Variants in ADAMTS4 observed in about 807,000 individuals in gnomAD.
ADAMTS4 encodes A disintegrin and metalloproteinase with thrombospondin motifs 4.
Under a neutral mutation model 66.7 loss-of-function variants are expected in ADAMTS4, and 38 were observed. The ratio of observed to expected loss-of-function variants is 0.57; its 90% confidence interval spans 0.44 to 0.75. The LOEUF is 0.75. Among genes scored for constraint, ADAMTS4 ranks in the 30% least tolerant of loss-of-function variants. The pLI is 0.00. For synonymous variants in ADAMTS4, 418 were observed against 461.5 expected (o/e 0.91, Z 1.21); for missense variants, 1,014 against 1,116.7 (o/e 0.91, Z 1.31).
At chr1:161,195,934 GACAC>G (rs57224018) in intron 3 of ADAMTS4, 64,619 of 437,052 alleles carry the variant, frequency 0.15, 3,131 homozygotes, top group East Asian at 0.28. Context: ...CACACACACA[GACAC>G]ACACACACAC....
At chr1:161,196,412 G>A (rs1664839893) in intron 2 of ADAMTS4, 109 bp from the exon 3 acceptor site, 3 of 1,514,956 alleles carry the variant, frequency 2.0e-6, no homozygotes, top group South Asian at 2.6e-5. Context: ...GCACTGTCAG[G>A]GCCTAGGTAG....
At position 161,198,167 on chromosome 1, in the gene ADAMTS4, T is replaced by G; in HGVS notation, c.461A>C (p.Gln154Pro). The G allele has an allele frequency of 6.2e-7, 1 of 1,613,938 alleles. No homozygotes were observed. The highest frequency in any genetic ancestry group is 8.5e-7 in the Non-Finnish European group (1 of 1,179,956). ...GAGGTGGAGTTCAGCCCCCCGATAT[T>G]GTAACACGCCTAACAGGGCTCCCCC... The part of the protein sequence containing the change: ...WDGGALLGVL[Q>P]YRGAELHLQP... The change falls in exon 1 of 9, where the codon CAA becomes CCA. Residue 154 changes from glutamine (Q) to proline (P), a missense_variant. Physicochemically the swap from Gln to Pro is moderately conservative, Grantham distance 76. Transcript: ENST00000367996. This position sits in a 1 kb window ranked among gnomAD's most constrained non-coding sequence, Gnocchi z 4.7.
chr1:161,193,300 A>G lies in ADAMTS4; in HGVS notation c.1824T>C (p.Pro608=). The change falls in exon 7 of 9, where the codon CCT becomes CCC. Residue 608 remains proline, a synonymous_variant. Coordinates refer to ENST00000367996, the MANE Select transcript of ADAMTS4 (RefSeq NM_005099.6). This position sits in a 1 kb window ranked among gnomAD's most constrained non-coding sequence, Gnocchi z 4.4. ...KSFPGPMDWV[P]RYTGVAPQDQ... Reference sequence around the variant, plus strand: ...CCTGGGGGGCCACGCCTGTGTAGCGAGGAACCCAGTCCATGGGCCCTGGGA... The same window carrying G: ...CCTGGGGGGCCACGCCTGTGTAGCGGGGAACCCAGTCCATGGGCCCTGGGA... 6.2e-7 allele frequency: 1 copy of G among 1,614,030 alleles called. No individual in the cohort carries two copies. The highest frequency in any genetic ancestry group is 8.5e-7 in the Non-Finnish European group (1 of 1,180,004).
At position 161,193,465 on chromosome 1, in the gene ADAMTS4, C is replaced by G. The variant is rs1664731262; in HGVS notation, c.1736-77G>C. ...CATCCCTCCACCCAACCCCTGAGAA[C>G]TCTAGACAGCACAGCTCTGCTCTTC... On this transcript the variant is annotated intron_variant, in intron 6 of 8. Transcript: ENST00000367996. This position sits in a 1 kb window ranked among gnomAD's most constrained non-coding sequence, Gnocchi z 4.4. The G allele has an allele frequency of 6.4e-7, 1 of 1,559,144 alleles. No homozygotes were observed.
Position 161,193,773 on chromosome 1 carries a change from C to G in ADAMTS4, c.1602G>C (p.Arg534=), listed in dbSNP as rs760634058. ...GPWGPWGDCS[R]TCGGGVQFSS... is the part of the protein sequence containing the mutation. ...AGAACTGGACACCACCCCCACAGGT[C>G]CGAGAGCAGTCACCCCATGGTCCCC... The change falls in exon 6 of 9, where the codon CGG becomes CGC. Residue 534 remains arginine (R), a synonymous_variant. Transcript: ENST00000367996. This position sits in a 1 kb window ranked among gnomAD's most constrained non-coding sequence, Gnocchi z 4.4. The G allele has an allele frequency of 1.9e-6, 3 of 1,613,764 alleles. No individual in the cohort carries two copies. In the Admixed American group the frequency reaches 5.0e-5, roughly 27 times the overall value.
Position 161,196,208 on chromosome 1 carries a change from A to G in ADAMTS4, c.1053T>C (p.Asp351=). The change falls in exon 3 of 9, where the codon GAT becomes GAC. Residue 351 remains aspartate, a synonymous_variant. Coordinates refer to ENST00000367996, the MANE Select transcript of ADAMTS4 (RefSeq NM_005099.6). ...PARSCAIVED[D]GLQSAFTAAH... is the part of the protein sequence containing the mutation. Reference sequence around the variant, plus strand: ...CAGCAGTGAAGGCTGACTGGAGCCCATCATCCTCCACAATGGCACAGCTCC... The same window carrying G: ...CAGCAGTGAAGGCTGACTGGAGCCCGTCATCCTCCACAATGGCACAGCTCC... 1 of 1,611,628 alleles carries G rather than the reference A, an allele frequency of 6.2e-7. No homozygotes were observed. Among genetic ancestry groups the G allele is most frequent in the Non-Finnish European group, 8.5e-7 (1 of 1,179,204 alleles).
rs1664736389 is a variant in ADAMTS4, at chr1:161,193,677, G to A, written c.1698C>T (p.Phe566=). 6.2e-7 allele frequency: 1 copy of A among 1,613,708 alleles called. No individual in the cohort carries two copies. Among genetic ancestry groups the A allele is most frequent in the Non-Finnish European group, 8.5e-7 (1 of 1,179,840 alleles). The change falls in exon 6 of 9, where the codon TTC becomes TTT. Residue 566 remains phenylalanine, a synonymous_variant. Coordinates refer to ENST00000367996, the MANE Select transcript of ADAMTS4 (RefSeq NM_005099.6). The surrounding 1 kb of genome is among the most constrained non-coding windows in gnomAD (Gnocchi z 4.4). ...GGCAGTCCTCAGTGTTGCAGGAGCG[G>A]AAGCGGGTACGGCGGCCCTCACAGT... ...GKYCEGRRTR[F]RSCNTEDCPT...
chr1:161,186,701 C>T lies in ADAMTS4; in HGVS notation c.*4437G>A, dbSNP rs1664548968. 6.6e-6 allele frequency: 1 copy of T among 152,146 alleles called. No individual in the cohort carries two copies. Among genetic ancestry groups the T allele is most frequent in the African/African-American group, 2.4e-5 (1 of 41,416 alleles). The allele number at this position is 152,146 out of a possible 1,614,324, so 9.4% of individuals were successfully genotyped here. A position where few individuals can be genotyped will look rare whatever the true frequency, so the allele number is the denominator to read the frequency against. On this transcript the variant is annotated 3_prime_UTR_variant, in exon 9 of 9. Transcript: ENST00000367996. The stretch of plus-strand genomic sequence containing the variant: ...CTCCAACCTGAGCCACAGAGCGAGA[C>T]TGTCTCAAAAGAAAAGGCCAGGCAT...
In ADAMTS4 at chr1:161,188,883, A is replaced by ATATATATATATATATATAT. The variant is rs1664595448; in HGVS notation, c.*2254_*2255insATATATATATATATATATA. 1 of 68,322 alleles carries ATATATATATATATATATAT rather than the reference A, an allele frequency of 1.5e-5. No homozygotes were observed. Among genetic ancestry groups the ATATATATATATATATATAT allele is most frequent in the Non-Finnish European group, 2.9e-5 (1 of 34,906 alleles). 4.2% of individuals were successfully genotyped at this position (68,322 alleles called of 1,614,324 possible). ...TAGGCACCTGTCACCATGCCCGGCT[A>ATATATATATATATATATAT]ATATATATATATATATATATATATA... On this transcript the variant is annotated 3_prime_UTR_variant, in exon 9 of 9. Coordinates refer to ENST00000367996, the MANE Select transcript of ADAMTS4 (RefSeq NM_005099.6).
rs1664701667 is a variant in ADAMTS4 at position 161,192,231 on chromosome 1, C to T, written c.1921G>A (p.Gly641Arg). The T allele has an allele frequency of 6.2e-7, 1 of 1,613,288 alleles. No individual in the cohort carries two copies. The highest frequency in any genetic ancestry group is 2.2e-5 in the East Asian group (1 of 44,820). ...YYVLEPRVVDGTPCSPDSSSV... is the reference protein window; with the variant it reads ...YYVLEPRVVDRTPCSPDSSSV... ...GAGCTGTCCGGGGAACAGGGGGTCC[C>T]ATCTACCACCTGAGGAAAAGAGAAA... Residue 641 changes from glycine to arginine, a missense_variant, in exon 8 of 9, where the codon GGG (glycine) becomes AGG (arginine). Physicochemically the swap from Gly to Arg is moderately radical, Grantham distance 125 (BLOSUM62 -2). Transcript: ENST00000367996.
Position 161,193,979 on chromosome 1 carries a change from TGCAGGCCTGTGCGGGCCC to T in ADAMTS4, c.1486_1503del (p.Gly496_Cys501del), listed in dbSNP as rs774005667. Reference sequence around the variant, plus strand: ...TCCATGTGGAGGCAGCGACCACCCATGCAGGCCTGTGCGGGCCCGCAGGGTGTGCCATCGGCCCAGGGC... The same window carrying T: ...TCCATGTGGAGGCAGCGACCACCCATGCAGGGTGTGCCATCGGCCCAGGGC... On this transcript the variant is annotated inframe_deletion, in exon 5 of 9. Coordinates refer to ENST00000367996, the MANE Select transcript of ADAMTS4 (RefSeq NM_005099.6). This position sits in a 1 kb window ranked among gnomAD's most constrained non-coding sequence, Gnocchi z 4.4. 6.2e-7 allele frequency: 1 copy of T among 1,607,500 alleles called. No individual in the cohort carries two copies. Among genetic ancestry groups the T allele is most frequent in the Non-Finnish European group, 8.5e-7 (1 of 1,175,478 alleles).
In ADAMTS4 at chr1:161,186,563, T is replaced by G. The variant is rs1341650442; in HGVS notation, c.*4575A>C. The G allele has an allele frequency of 6.6e-6, 1 of 150,458 alleles. No homozygotes were observed. The highest frequency in any genetic ancestry group is 1.5e-5 in the Non-Finnish European group (1 of 67,212). 9.3% of individuals were successfully genotyped at this position (150,458 alleles called of 1,614,324 possible). The stretch of plus-strand genomic sequence containing the variant: ...TCTCTTAAAATAACAGGCAGAAAAG[T>G]GATTTAAAAGTGAATCTACACCTGT... On this transcript the variant is annotated 3_prime_UTR_variant, in exon 9 of 9. Transcript: ENST00000367996.
At position 161,193,475 on chromosome 1, in the gene ADAMTS4, C is replaced by T. The variant is rs114428056; in HGVS notation, c.1736-87G>A. 295 of 1,545,144 alleles carry T rather than the reference C, an allele frequency of 1.9e-4. No individual in the cohort carries two copies. The African/African-American group carries it at 3.7e-3, about 19-fold the overall frequency. ...CCCAACCCCTGAGAACTCTAGACAG[C>T]ACAGCTCTGCTCTTCCCTGCAGACG... On this transcript the variant is annotated intron_variant, in intron 6 of 8. Coordinates refer to ENST00000367996, the MANE Select transcript of ADAMTS4 (RefSeq NM_005099.6). The surrounding 1 kb of genome is among the most constrained non-coding windows in gnomAD (Gnocchi z 4.4).
At chr1:161,195,395 C>T (rs553444558) in intron 4 of ADAMTS4, 70 bp downstream of exon 4, 113 of 1,493,594 alleles carry the variant, frequency 7.6e-5, no homozygotes, top group Admixed American at 7.2e-4. Flanking sequence ...CAGAATGCAG[C>T]GGAAGTGAGA....
rs1233032576 is a variant in ADAMTS4, at chr1:161,193,640, C to T, written c.1735G>A (p.Ala579Thr). ...CNTEDCPTGSALTFREEQCAA... is the reference protein window; with the variant it reads ...CNTEDCPTGSTLTFREEQCAA... Reference sequence around the variant, plus strand: ...GGCTCCCATCCCCCCTACTCCTCACCTGAGCCAGTTGGGCAGTCCTCAGTG... The same window carrying T: ...GGCTCCCATCCCCCCTACTCCTCACTTGAGCCAGTTGGGCAGTCCTCAGTG... Residue 579 changes from alanine (A) to threonine (T), a missense_variant and splice_region_variant, in exon 6 of 9, where the codon GCC (alanine) becomes ACC (threonine). Physicochemically the swap from Ala to Thr is moderately conservative, Grantham distance 58 (BLOSUM62 0). Coordinates refer to ENST00000367996, the MANE Select transcript of ADAMTS4 (RefSeq NM_005099.6). The surrounding 1 kb of genome is among the most constrained non-coding windows in gnomAD (Gnocchi z 4.4). 6.2e-7 allele frequency: 1 copy of T among 1,608,342 alleles called. No homozygotes were observed. The highest frequency in any genetic ancestry group is 1.1e-5 in the South Asian group (1 of 90,122).
At chr1:161,192,541 G>T (rs1664708138) in intron 7 of ADAMTS4, among the ~76,000 whole-genome samples, 1 of 152,032 alleles carries the variant, frequency 6.6e-6, no homozygotes, top group Non-Finnish European at 1.5e-5. Flanking sequence ...TTTTAGGGAT[G>T]GAACGTTGAG....
Position 161,194,264 on chromosome 1 carries a change from G to A in ADAMTS4, c.1262-43C>T, listed in dbSNP as rs753780286. Reference sequence around the variant, plus strand: ...GCACAAAGTCAGCAACGGGCTGAGGGGAGCATTCAGGATTGCCAGCAGAAA... The same window carrying A: ...GCACAAAGTCAGCAACGGGCTGAGGAGAGCATTCAGGATTGCCAGCAGAAA... On this transcript the variant is annotated intron_variant, in intron 4 of 8. Coordinates refer to ENST00000367996, the MANE Select transcript of ADAMTS4 (RefSeq NM_005099.6). This position sits in a 1 kb window ranked among gnomAD's most constrained non-coding sequence, Gnocchi z 4.1. The A allele has an allele frequency of 7.4e-5, 117 of 1,575,832 alleles. No homozygotes were observed. Among genetic ancestry groups the A allele is most frequent in the Non-Finnish European group, 9.6e-5 (111 of 1,154,826 alleles).
In ADAMTS4 at chr1:161,198,735, C is replaced by A. The variant is rs550147120; in HGVS notation, c.-108G>T. 2.7e-6 allele frequency: 3 copies of A among 1,117,092 alleles called. No homozygotes were observed. In the South Asian group the frequency reaches 5.2e-5, roughly 19 times the overall value. 69.2% of individuals were successfully genotyped at this position (1,117,092 alleles called of 1,614,324 possible). A position where few individuals can be genotyped will look rare whatever the true frequency, so the allele number is the denominator to read the frequency against. ...TGTAGCCTGGGGGCTTGGACTCCTG[C>A]CAAGGTCAGAGGCAAAGTTTTCAGA... On this transcript the variant is annotated 5_prime_UTR_variant, in exon 1 of 9. Coordinates refer to ENST00000367996, the MANE Select transcript of ADAMTS4 (RefSeq NM_005099.6). This position sits in a 1 kb window ranked among gnomAD's most constrained non-coding sequence, Gnocchi z 4.7.
chr1:161,197,678 C>T (rs1664908163), intron 1 of ADAMTS4, among the ~76,000 whole-genome samples: 1 of 152,038 alleles, frequency 6.6e-6, no homozygotes, highest in South Asian at 2.1e-4. Flanking sequence ...TGTTAGGAGA[C>T]CTTTACTGCT....
Sources: gnomAD v4.1 joint callset for allele counts (sites outside exome capture counted in the v4.1 genomes callset) on GRCh38, gnomAD v4.1.1 for gene constraint, Gnocchi (gnomAD v3.1) non-coding constraint, MANE v1.5 for transcripts, NCBI Gene and HGNC (gene_info 2026-07-23, HGNC 2026-07-21) for gene names.